Variants in TNIP3 observed in about 807,000 individuals in gnomAD.
The protein encoded by TNIP3 is TNFAIP3-interacting protein 3.
Under a neutral mutation model 54.1 loss-of-function variants are expected in TNIP3, and 34 were observed. The ratio of observed to expected loss-of-function variants is 0.63; its 90% CI spans 0.48 to 0.84. TNIP3 has a LOEUF of 0.84. Ranked by LOEUF, TNIP3 falls within the 40% of genes least tolerant of loss-of-function variation. TNIP3 has a pLI of 0.00. For synonymous variants in TNIP3, 134 were observed against 136.8 expected (o/e 0.98, Z 0.14); for missense variants, 366 against 387.6 (o/e 0.94, Z 0.47).
upstream of TNIP3, among the ~76,000 whole-genome samples, chr4:121,218,999 A>T (rs1726922354): frequency 6.6e-6 from 1 of 152,234 alleles, no homozygotes; most frequent in African/African-American, 2.4e-5. Context: ...CAGGAGTTCG[A>T]GACCAGCCTG....
rs142456270 is a variant in TNIP3, at chr4:121,132,635, G to T, written c.974C>A (p.Pro325Gln). The change falls in exon 11 of 11, where the codon CCG (proline) becomes CAG (glutamine). Residue 325 changes from proline to glutamine, a missense_variant. Transcript: ENST00000057513. Reference protein sequence around the residue: ...NGLSSVKKVHP With the variant: ...NGLSSVKKVHQ Reference sequence around the variant, plus strand: ...TCTCTCTGTTAGTGTGTACTTCTACGGATGGACTTTCTTTACTGAGGATAA... The same window carrying T: ...TCTCTCTGTTAGTGTGTACTTCTACTGATGGACTTTCTTTACTGAGGATAA... 1.2e-6 allele frequency: 2 copies of T among 1,612,718 alleles called. No homozygotes were observed. Among genetic ancestry groups the T allele is most frequent in the African/African-American group, 2.7e-5 (2 of 74,804 alleles).
upstream of TNIP3, among the ~76,000 whole-genome samples, chr4:121,220,512 C>A (rs546365567): frequency 6.6e-6 from 1 of 152,164 alleles, no homozygotes; most frequent in African/African-American, 2.4e-5. Context: ...TTGCCCTCAC[C>A]ATCATCCAAT....
At chr4:121,135,409 T>A (rs1728723658) in intron 10 of TNIP3, among the ~76,000 whole-genome samples, 1 of 152,178 alleles carries the variant, frequency 6.6e-6, no homozygotes, top group Non-Finnish European at 1.5e-5. Context: ...TATTTTTTTT[T>A]ATTTTTGAGA....
At chr4:121,187,287 C>T (rs1725073359) in intron 2 of TNIP3, among the ~76,000 whole-genome samples, 1 of 152,194 alleles carries the variant, frequency 6.6e-6, no homozygotes, top group South Asian at 2.1e-4. Flanking sequence ...TAGTTGTTCC[C>T]ACCTTGGGAT....
chr4:121,132,634 C>T lies in TNIP3; in HGVS notation c.975G>A (p.Pro325=), dbSNP rs202104406. 90 of 1,612,896 alleles carry T rather than the reference C, an allele frequency of 5.6e-5. No individual in the cohort carries two copies. The African/African-American group carries it at 8.1e-4, about 15-fold the overall frequency. ...NGLSSVKKVH[P] The stretch of plus-strand genomic sequence containing the variant: ...CTCTCTCTGTTAGTGTGTACTTCTA[C>T]GGATGGACTTTCTTTACTGAGGATA... Residue 325 remains proline (P), a synonymous_variant, in exon 11 of 11, where the codon CCG becomes CCA. Transcript: ENST00000057513.
At chr4:121,175,455 C>A (rs1724251425) in intron 3 of TNIP3, among the ~76,000 whole-genome samples, 1 of 152,150 alleles carries the variant, frequency 6.6e-6, no homozygotes, top group South Asian at 2.1e-4. Flanking sequence ...CCCCACCAAG[C>A]CTCCCAGTGT....
chr4:121,160,528 T>A (rs1730385528), intron 2 of TNIP3, among the ~76,000 whole-genome samples: 1 of 151,788 alleles, frequency 6.6e-6, no homozygotes, highest in African/African-American at 2.4e-5. Context: ...AGTGCTAAAA[T>A]TGTTATACTT....
At chr4:121,165,097 G>T (rs1730682818), upstream of TNIP3, among the ~76,000 whole-genome samples, 1 of 151,690 alleles carries the variant, frequency 6.6e-6, no homozygotes, top group African/African-American at 2.4e-5. Context: ...GAAAGAATGT[G>T]TAACTAAAAA....
intron 2 of TNIP3, among the ~76,000 whole-genome samples, chr4:121,197,442 C>T (rs993480066): frequency 6.6e-6 from 1 of 150,506 alleles, no homozygotes; most frequent in African/African-American, 2.4e-5. Flanking sequence ...GCAGGGGAAT[C>T]GCTTGAGCTT....
At chr4:121,143,711 T>A (rs759367528) in intron 7 of TNIP3, among the ~76,000 whole-genome samples, 5 of 152,232 alleles carry the variant, frequency 3.3e-5, no homozygotes, top group Non-Finnish European at 7.3e-5. Context: ...TGTCAATGGA[T>A]CAATACATAA....
At chr4:121,204,936 G>A (rs1422474391) in intron 2 of TNIP3, among the ~76,000 whole-genome samples, 1 of 152,134 alleles carries the variant, frequency 6.6e-6, no homozygotes, top group African/African-American at 2.4e-5. Flanking sequence ...AATTACCAGT[G>A]ATATTGATCA....
At chr4:121,201,739 A>T (rs900152086) in intron 2 of TNIP3, among the ~76,000 whole-genome samples, 1 of 152,224 alleles carries the variant, frequency 6.6e-6, no homozygotes, top group Non-Finnish European at 1.5e-5. Context: ...ATACACACAT[A>T]TTCATTTATT....
At chr4:121,205,432 G>C (rs957883051) in intron 2 of TNIP3, among the ~76,000 whole-genome samples, 1 of 152,090 alleles carries the variant, frequency 6.6e-6, no homozygotes, top group Non-Finnish European at 1.5e-5. Context: ...AAGGAGGTTC[G>C]TGGGCATTGT....
upstream of TNIP3, among the ~76,000 whole-genome samples, chr4:121,220,275 T>G (rs377244850): frequency 8.5e-5 from 13 of 152,326 alleles, 1 homozygote; most frequent in South Asian, 2.7e-3. Context: ...AATACCATAT[T>G]AATTTAATGT....
intron 2 of TNIP3, among the ~76,000 whole-genome samples, chr4:121,185,520 G>A (rs545599878): frequency 6.6e-6 from 1 of 152,200 alleles, no homozygotes; most frequent in African/African-American, 2.4e-5. Flanking sequence ...AAGAGGAAAG[G>A]CCTTTGTCTG....
intron 1 of TNIP3, among the ~76,000 whole-genome samples, chr4:121,224,980 A>G (rs1385319459): frequency 1.3e-5 from 2 of 152,220 alleles, no homozygotes; most frequent in Non-Finnish European, 2.9e-5. Context: ...CTATATATCT[A>G]TATTTATTCA....
chr4:121,210,228 T>C (rs2148846500), intron 2 of TNIP3, among the ~76,000 whole-genome samples: 1 of 151,152 alleles, frequency 6.6e-6, no homozygotes, highest in East Asian at 1.9e-4. Flanking sequence ...GAATTATAAT[T>C]TATAATAAAG....
intron 2 of TNIP3, among the ~76,000 whole-genome samples, chr4:121,201,417 A>T (rs1725878232): frequency 6.6e-6 from 1 of 152,202 alleles, no homozygotes; most frequent in Admixed American, 6.5e-5. Flanking sequence ...TTTAAGCATT[A>T]TATTGTATGT....
At chr4:121,169,145 T>G (rs2218959), upstream of TNIP3, among the ~76,000 whole-genome samples, 51,094 of 151,944 alleles carry the variant, frequency 0.34, 10,065 homozygotes, top group African/African-American at 0.55. Context: ...ATGTCACTCA[T>G]AGTGAAAGCA....
Sources: allele counts gnomAD v4.1 joint callset (sites outside exome capture counted in the v4.1 genomes callset), GRCh38; gene constraint gnomAD v4.1.1; transcripts MANE v1.5; gene names NCBI Gene and HGNC (gene_info 2026-07-23, HGNC 2026-07-21).